Variants in TRPC1 observed in about 807,000 individuals in gnomAD.
TRPC1 encodes the protein short transient receptor potential channel 1.
Under a neutral mutation model 88.2 loss-of-function variants are expected in TRPC1, and 42 were observed. The ratio of observed to expected loss-of-function variants is 0.48; its 90% CI spans 0.37 to 0.62. The LOEUF is 0.62. TRPC1 is among the 20% of genes least tolerant of loss of function. The pLI is 0.00. For missense variants in TRPC1, 699 were observed against 957.3 expected (o/e 0.73, Z 3.56); for synonymous variants, 288 against 331.8 (o/e 0.87, Z 1.43).
rs1936793582 is a variant in TRPC1, at chr3:142,806,316, G to GAGAT, written c.*83_*86dup. ...TTGCATAACTTGCAATGAAATTAAT[G>GAGAT]AGATATATATTGAAATAAAGAATTA... is the stretch of plus-strand genomic sequence containing the variant. On this transcript the variant is annotated 3_prime_UTR_variant, in exon 13 of 13. Coordinates refer to ENST00000476941, the MANE Select transcript of TRPC1 (RefSeq NM_001251845.2). 9.7e-7 allele frequency: 1 copy of GAGAT among 1,026,182 alleles called. No homozygotes were observed. The highest frequency in any genetic ancestry group is 1.4e-6 in the Non-Finnish European group (1 of 707,026). The allele number at this position is 1,026,182 out of a possible 1,614,324, so 63.6% of individuals were successfully genotyped here. A position where few individuals can be genotyped will look rare whatever the true frequency, so the allele number is the denominator to read the frequency against.
At chr3:142,778,594 T>C (rs1279363623) in intron 5 of TRPC1, among the ~76,000 whole-genome samples, 3 of 152,194 alleles carry the variant, frequency 2.0e-5, no homozygotes, top group East Asian at 3.8e-4. Context: ...TTGATTACGA[T>C]TTTTTACTAG....
rs890589086 is a variant in TRPC1, at chr3:142,806,882, T to C, written c.*647T>C. 1 of 151,918 alleles carries C rather than the reference T, an allele frequency of 6.6e-6. No individual in the cohort carries two copies. Among genetic ancestry groups the C allele is most frequent in the African/African-American group, 2.4e-5 (1 of 41,434 alleles). The allele number at this position is 151,918 out of a possible 1,614,324, so 9.4% of individuals were successfully genotyped here. ...TTATAATCACTTTATATTTTTAATG[T>C]TTTTTTCACTTAATATTTTATATAT... On this transcript the variant is annotated 3_prime_UTR_variant, in exon 13 of 13. Coordinates refer to ENST00000476941, the MANE Select transcript of TRPC1 (RefSeq NM_001251845.2).
rs189577415 is a variant in TRPC1 at position 142,762,602 on chromosome 3, T to C, written c.632+14142T>C. On this transcript the variant is annotated intron_variant, in intron 4 of 12. Coordinates refer to ENST00000476941, the MANE Select transcript of TRPC1 (RefSeq NM_001251845.2). The stretch of plus-strand genomic sequence containing the variant: ...TGCCACCATGCCTGGCTAATTTTTG[T>C]ATTTTTAGTAGAAATGGGGTTTCAC... Among the ~76,000 whole-genome samples the C allele has an allele frequency of 2.0e-5, 3 of 150,998 alleles. No individual in the cohort carries two copies. The East Asian group carries it at 5.9e-4, about 30-fold the overall frequency.
intron 4 of TRPC1, among the ~76,000 whole-genome samples, chr3:142,750,992 GA>G (rs1934743899): frequency 6.6e-6 from 1 of 152,090 alleles, no homozygotes; most frequent in Non-Finnish European, 1.5e-5. Context: ...ATAAAGATAT[GA>G]AGAAATAATA....
rs1936310514 is a variant in TRPC1, at chr3:142,792,081, TTTAA to T, written c.1438-740_1438-737del. 6.6e-6 allele frequency among the ~76,000 whole-genome samples: 1 copy of T among 152,112 alleles called. No individual in the cohort carries two copies. The highest frequency in any genetic ancestry group is 6.6e-5 in the Admixed American group (1 of 15,260). On this transcript the variant is annotated intron_variant, in intron 8 of 12. Transcript: ENST00000476941. The surrounding 1 kb of genome is among the most constrained non-coding windows in gnomAD (Gnocchi z 4.0). ...AATTTTACTTTATTAAAAAATTCTG[TTTAA>T]TTGATCAGTAGTATGGAATATGTTA...
chr3:142,735,003 T>C (rs2108018048), intron 1 of TRPC1, among the ~76,000 whole-genome samples: 1 of 152,288 alleles, frequency 6.6e-6, no homozygotes, highest in South Asian at 2.1e-4. Context: ...TCACTATTGG[T>C]TCAACTTGTG....
chr3:142,787,369 A>C (rs1936166326), intron 7 of TRPC1, among the ~76,000 whole-genome samples: 1 of 152,170 alleles, frequency 6.6e-6, no homozygotes, highest in South Asian at 2.1e-4. Context: ...GGTTCAACTT[A>C]CTATTTCAAG....
At chr3:142,750,104 G>C (rs1934700563) in intron 4 of TRPC1, among the ~76,000 whole-genome samples, 2 of 152,132 alleles carry the variant, frequency 1.3e-5, no homozygotes, top group Admixed American at 6.5e-5. Context: ...CTTCTGCACA[G>C]CAAAAGAAAC....
intron 9 of TRPC1, among the ~76,000 whole-genome samples, chr3:142,794,475 A>G (rs1020590631): frequency 1.3e-5 from 2 of 152,136 alleles, no homozygotes; most frequent in African/African-American, 4.8e-5. Flanking sequence ...AATATATGAA[A>G]CAACAGCTTA....
At chr3:142,796,151 A>G (rs956008824) in intron 9 of TRPC1, among the ~76,000 whole-genome samples, 1 of 152,086 alleles carries the variant, frequency 6.6e-6, no homozygotes, top group Non-Finnish European at 1.5e-5. Context: ...AGAGACATTA[A>G]GTAACTTGCG....
chr3:142,793,052 C>T, intron 9 of TRPC1, 85 bp downstream of exon 9: 2 of 1,178,872 alleles, frequency 1.7e-6, no homozygotes, highest in South Asian at 2.0e-5. Context: ...ATACTGTTCT[C>T]TCATGATATT....
At position 142,739,032 on chromosome 3, in the gene TRPC1, C is replaced by G. The variant is rs184826932; in HGVS notation, c.327+2499C>G. Among the ~76,000 whole-genome samples the G allele has an allele frequency of 9.4e-3, 1,427 of 152,124 alleles. 29 individuals are homozygous for G. The highest frequency in any genetic ancestry group is 0.033 in the African/African-American group (1,364 of 41,496). ...TGTTGCCCAGGCTGGAGTGCAATGG[C>G]GTGATCTCGGCTCACTGCAACCTCT... is the stretch of plus-strand genomic sequence containing the variant. On this transcript the variant is annotated intron_variant, in intron 2 of 12. Transcript: ENST00000476941.
chr3:142,790,960 A>G, intron 7 of TRPC1, 59 bp from the exon 8 acceptor site: 1 of 1,348,936 alleles, frequency 7.4e-7, no homozygotes, highest in Non-Finnish European at 9.8e-7. Flanking sequence ...TTAAAGTATT[A>G]TTTAGTTTAT....
rs145845938 is a variant in TRPC1 at position 142,744,565 on chromosome 3, T to C, written c.429+979T>C. 3.1e-3 allele frequency among the ~76,000 whole-genome samples: 465 copies of C among 152,272 alleles called. 3 individuals carry two copies. The highest frequency in any genetic ancestry group is 0.011 in the African/African-American group (441 of 41,558). On this transcript the variant is annotated intron_variant, in intron 3 of 12. Transcript: ENST00000476941. ...GAATATTATGCAGTCATTAAAACAGTACTTTTAAAAGAATAGTTAGGAACA... is the reference window on the plus strand; with the variant it reads ...GAATATTATGCAGTCATTAAAACAGCACTTTTAAAAGAATAGTTAGGAACA...
At chr3:142,801,966 T>C (rs1423006787) in intron 9 of TRPC1, among the ~76,000 whole-genome samples, 1 of 152,084 alleles carries the variant, frequency 6.6e-6, no homozygotes, top group East Asian at 1.9e-4. Context: ...CTAACACTGA[T>C]AGTGTTGGTA....
chr3:142,788,592 G>A (rs752807411), intron 7 of TRPC1, among the ~76,000 whole-genome samples: 1 of 151,996 alleles, frequency 6.6e-6, no homozygotes, highest in Non-Finnish European at 1.5e-5. Context: ...AGTTAGAAAG[G>A]TATGCATATC....
At chr3:142,751,239 C>T (rs1373725524) in intron 4 of TRPC1, among the ~76,000 whole-genome samples, 7 of 152,096 alleles carry the variant, frequency 4.6e-5, no homozygotes, top group African/African-American at 7.2e-5. Flanking sequence ...ACTACCTCAC[C>T]CAGGGCAACT....
rs373999442 is a variant in TRPC1 at position 142,780,854 on chromosome 3, C to G, written c.785C>G (p.Ala262Gly). Reference sequence around the variant, plus strand: ...TATAGGAATGATTATGAGGAACTAGCCCGGCAATGTAAAATGTTTGCTAAG... The same window carrying G: ...TATAGGAATGATTATGAGGAACTAGGCCGGCAATGTAAAATGTTTGCTAAG... ...VEFRNDYEEL[A>G]RQCKMFAKDL... The change falls in exon 6 of 13, where the codon GCC becomes GGC. Residue 262 changes from alanine (A) to glycine (G), a missense_variant. Physicochemically the swap from Ala to Gly is moderately conservative, Grantham distance 60 (BLOSUM62 0). This residue lies in a region of TRPC1 where 426 missense variants were observed against 641.3 expected (regional missense o/e 0.66). Transcript: ENST00000476941. 1 of 1,610,512 alleles carries G rather than the reference C, an allele frequency of 6.2e-7. No individual in the cohort carries two copies. The highest frequency in any genetic ancestry group is 8.5e-7 in the Non-Finnish European group (1 of 1,178,470).
intron 4 of TRPC1, among the ~76,000 whole-genome samples, chr3:142,755,281 C>T (rs965461367): frequency 3.3e-5 from 5 of 151,842 alleles, no homozygotes; most frequent in Admixed American, 1.3e-4. Flanking sequence ...AAATATTAGC[C>T]GGGTGTGGTG....
Sources: allele counts gnomAD v4.1 joint callset (sites outside exome capture counted in the v4.1 genomes callset), GRCh38; gene constraint gnomAD v4.1.1; regional missense constraint gnomAD v4.1.1; non-coding constraint Gnocchi (gnomAD v3.1); transcripts MANE v1.5; gene names NCBI Gene and HGNC (gene_info 2026-07-23, HGNC 2026-07-21).